ZMYM2: variants seen among roughly 807,000 people sequenced by gnomAD.
The protein encoded by ZMYM2 is zinc finger MYM-type containing 2.
A neutral mutation model predicts 162.8 loss-of-function variants in ZMYM2; 56 were observed. The ratio of observed to expected loss-of-function variants is 0.34; its 90% CI spans 0.28 to 0.43. ZMYM2 has a LOEUF of 0.43. ZMYM2 is among the 20% of genes least tolerant of loss of function. The probability of loss-of-function intolerance (pLI) is 1.00; values close to 1 mark genes in which losing one functional copy is unlikely to be tolerated. For synonymous variants in ZMYM2, 510 were observed against 541.6 expected (o/e 0.94, Z 0.81); for missense variants, 1,275 against 1,621.8 (o/e 0.79, Z 3.67).
chr13:20,086,359 C>G lies in ZMYM2; in HGVS notation c.*345C>G, dbSNP rs1593301417. On this transcript the variant is annotated 3_prime_UTR_variant, in exon 25 of 25. Transcript: ENST00000610343. ...TCCATATTGCACAACTCTACTGTTG[C>G]AAAGCTTCCTTGGAAGGGGGCTCTT... is the stretch of plus-strand genomic sequence containing the variant. 8.6e-6 allele frequency: 2 copies of G among 233,330 alleles called. No individual in the cohort carries two copies. Among genetic ancestry groups the G allele is most frequent in the Admixed American group, 1.1e-4 (2 of 18,336 alleles). 14.5% of individuals were successfully genotyped at this position (233,330 alleles called of 1,614,324 possible). A position where few individuals can be genotyped will look rare whatever the true frequency, so the allele number is the denominator to read the frequency against.
chr13:19,932,283 T>G, the ZMYM2 span, among the ~76,000 whole-genome samples: 2 of 152,116 alleles, frequency 1.3e-5, no homozygotes, highest in African/African-American at 4.8e-5. Flanking sequence ...ATGGGGCTTT[T>G]GGGAGGTAAT....
chr13:20,046,581 A>ATATGTG (rs1270115549), intron 12 of ZMYM2, among the ~76,000 whole-genome samples: 79 of 117,484 alleles, frequency 6.7e-4, no homozygotes, highest in South Asian at 1.4e-3. Flanking sequence ...ATATATATAT[A>ATATGTG]TGTGTGTGTG....
rs1294514522 is a variant in ZMYM2 at position 19,971,154 on chromosome 13, C to A, written c.-11+11128C>A. On this transcript the variant is annotated intron_variant, in intron 2 of 24. Coordinates refer to ENST00000610343, the MANE Select transcript of ZMYM2 (RefSeq NM_197968.4). ...TACAGGTAAGGGGAAGAATTGTAGG[C>A]TTTCTCCTAAGTATACTGAAAAGCC... 4.7e-5 allele frequency among the ~76,000 whole-genome samples: 7 copies of A among 149,618 alleles called. No homozygotes were observed. In the East Asian group the frequency reaches 1.4e-3, roughly 30 times the overall value.
intron 11 of ZMYM2, among the ~76,000 whole-genome samples, 153 bp downstream of exon 11, chr13:20,034,557 G>A (rs562853275): frequency 1.3e-5 from 2 of 152,236 alleles, no homozygotes; most frequent in Non-Finnish European, 2.9e-5. Flanking sequence ...TATTTTATAT[G>A]TGTTTGTAGA....
intron 2 of ZMYM2, among the ~76,000 whole-genome samples, chr13:19,967,067 C>T (rs956205879): frequency 6.6e-6 from 1 of 152,132 alleles, no homozygotes; most frequent in Non-Finnish European, 1.5e-5. Flanking sequence ...TTGTATATCA[C>T]ATTTTCCTTT....
At chr13:20,063,091 A>G in intron 18 of ZMYM2, 120 bp downstream of exon 18, 1 of 1,235,132 alleles carries the variant, frequency 8.1e-7, no homozygotes, top group Non-Finnish European at 1.1e-6. Flanking sequence ...TATTCTTGTT[A>G]TTTTTTAAAC....
rs543086042 is a variant in ZMYM2, at chr13:20,075,145, C to T, written c.3454-6871C>T. The stretch of plus-strand genomic sequence containing the variant: ...GTTTAATATTAGTTCAAGATGTGTA[C>T]AGAAATAGAAGCTATTTTTGGAAAA... On this transcript the variant is annotated intron_variant, in intron 21 of 24. Coordinates refer to ENST00000610343, the MANE Select transcript of ZMYM2 (RefSeq NM_197968.4). 9.9e-5 allele frequency among the ~76,000 whole-genome samples: 15 copies of T among 152,222 alleles called. 1 individual carries two copies. In the South Asian group the frequency reaches 2.7e-3, roughly 27 times the overall value.
chr13:19,944,989 G>GA, the ZMYM2 span, among the ~76,000 whole-genome samples: 579 of 150,500 alleles, frequency 3.8e-3, 15 homozygotes, highest in East Asian at 0.055. Flanking sequence ...TTATTTTGAA[G>GA]AAAACAAATT....
intron 2 of ZMYM2, among the ~76,000 whole-genome samples, chr13:19,969,792 C>T (rs1230731452): frequency 6.6e-6 from 1 of 151,538 alleles, no homozygotes; most frequent in Non-Finnish European, 1.5e-5. Flanking sequence ...ATACTCTATG[C>T]TCTGTATTCC....
chr13:19,891,011 T>C, the ZMYM2 span, among the ~76,000 whole-genome samples: 1 of 151,914 alleles, frequency 6.6e-6, no homozygotes, highest in Non-Finnish European at 1.5e-5. Flanking sequence ...AAATTGGAGA[T>C]TGAATTGTAG....
At position 19,993,691 on chromosome 13, in the gene ZMYM2, G is replaced by T; in HGVS notation, c.619G>T (p.Gly207Trp). 6.2e-7 allele frequency: 1 copy of T among 1,613,914 alleles called. No homozygotes were observed. The highest frequency in any genetic ancestry group is 1.1e-5 in the South Asian group (1 of 91,070). The stretch of plus-strand genomic sequence containing the variant: ...TGATGGCCAATTAGAAAATACTGAC[G>T]GGCGAGATATGAACTTAATGATTAC... ...VNDGQLENTD[G>W]RDMNLMITHV... The change falls in exon 3 of 25, where the codon GGG (glycine) becomes TGG (tryptophan). Residue 207 changes from glycine (G) to tryptophan (W), a missense_variant. Gly to Trp is a radical substitution (Grantham distance 184). Around this residue, in one of 10 missense-constraint regions of ZMYM2, gnomAD observed 295 missense variants for 286.7 expected, o/e 1.03. Transcript: ENST00000610343.
At chr13:19,892,962 C>T in the ZMYM2 span, among the ~76,000 whole-genome samples, 7 of 151,626 alleles carry the variant, frequency 4.6e-5, no homozygotes, top group African/African-American at 1.7e-4. Context: ...TTCCGCCCAC[C>T]TCAGCCTCCC....
At chr13:19,922,912 C>T in the ZMYM2 span, among the ~76,000 whole-genome samples, 1 of 151,356 alleles carries the variant, frequency 6.6e-6, no homozygotes, top group Admixed American at 6.6e-5. Flanking sequence ...ATCCTAGTTA[C>T]TCGGGAGGCT....
chr13:19,864,608 TGGGCGCCG>T, the ZMYM2 span: 1 of 153,050 alleles, frequency 6.5e-6, no homozygotes, highest in Non-Finnish European at 1.5e-5. Context: ...GGGGCGTCCC[TGGGCGCCG>T]CCGTCCTGTG....
At chr13:19,888,096 C>T in the ZMYM2 span, among the ~76,000 whole-genome samples, 1 of 151,746 alleles carries the variant, frequency 6.6e-6, no homozygotes, top group Non-Finnish European at 1.5e-5. Context: ...CCAGCTTGGT[C>T]CCAAACTCCT....
chr13:19,962,824 ATTTTTT>A (rs34502556), intron 2 of ZMYM2, among the ~76,000 whole-genome samples: 2 of 113,564 alleles, frequency 1.8e-5, no homozygotes, highest in African/African-American at 3.6e-5. Context: ...TTGCCCAGCC[ATTTTTT>A]TTTTTTTTTT....
rs147953519 is a variant in ZMYM2 at position 20,016,900 on chromosome 13, C to T, written c.1513-2647C>T. On this transcript the variant is annotated intron_variant, in intron 6 of 24. Coordinates refer to ENST00000610343, the MANE Select transcript of ZMYM2 (RefSeq NM_197968.4). ...TTATCAAATATGGCAAGTTTTTAGC[C>T]ATTAATTTTTCAGATAATCTTTTGC... Among the ~76,000 whole-genome samples, 235 of 152,200 alleles carry T rather than the reference C, an allele frequency of 1.5e-3. 1 individual carries two copies. The highest frequency in any genetic ancestry group is 5.5e-3 in the African/African-American group (228 of 41,522).
At chr13:19,972,943 G>GT (rs67438402) in intron 2 of ZMYM2, among the ~76,000 whole-genome samples, 13,395 of 144,498 alleles carry the variant, frequency 0.093, 913 homozygotes, top group African/African-American at 0.19. Flanking sequence ...ATGTTTTTTT[G>GT]TTTTTTTTTT....
intron 21 of ZMYM2, among the ~76,000 whole-genome samples, chr13:20,075,670 CTTTTTTTTTTTTTTTTTTTTTTTT>C (rs56664916): frequency 1.3e-5 from 1 of 75,738 alleles, no homozygotes; most frequent in Non-Finnish European, 2.5e-5. Flanking sequence ...CTATAGACAC[CTTTTTTTTTTTTTTTTTTTTTTTT>C]TTTTTTTTGG....
Sources: gnomAD v4.1 joint callset for allele counts (sites outside exome capture counted in the v4.1 genomes callset) on GRCh38, gnomAD v4.1.1 for gene constraint, gnomAD v4.1.1 regional missense constraint, MANE v1.5 for transcripts, NCBI Gene and HGNC (gene_info 2026-07-23, HGNC 2026-07-21) for gene names.